CFAP157: variants seen among roughly 807,000 people sequenced by gnomAD.
CFAP157 encodes the protein cilia- and flagella-associated protein 157.
A neutral mutation model predicts 57.8 loss-of-function variants in CFAP157; 43 were observed. The observed-to-expected ratio is 0.74, with a 90% CI of 0.58 to 0.96. The LOEUF (loss-of-function observed/expected upper bound fraction) is 0.96. Among genes scored for constraint, CFAP157 ranks in the 40% least tolerant of loss-of-function variants. The pLI is 0.00. For synonymous variants in CFAP157, 267 were observed against 269.0 expected (o/e 0.99, Z 0.07); for missense variants, 606 against 655.3 (o/e 0.92, Z 0.82).
chr9:127,708,798 G>A (rs971007343), intron 1 of CFAP157, among the ~76,000 whole-genome samples: 1 of 152,254 alleles, frequency 6.6e-6, no homozygotes, highest in Non-Finnish European at 1.5e-5. Flanking sequence ...GTGGCTCAGG[G>A]CCAAGAAGGG....
chr9:127,708,124 C>G (rs1842687791), intron 1 of CFAP157, among the ~76,000 whole-genome samples: 1 of 152,240 alleles, frequency 6.6e-6, no homozygotes, highest in Non-Finnish European at 1.5e-5. Context: ...GCCCCCACCC[C>G]TGAAATGCTC....
In CFAP157 at chr9:127,714,801, C is replaced by T; in HGVS notation, c.*896C>T. 8.6e-7 allele frequency: 1 copy of T among 1,162,054 alleles called. No homozygotes were observed. The highest frequency in any genetic ancestry group is 1.3e-6 in the Non-Finnish European group (1 of 798,306). 72.0% of individuals were successfully genotyped at this position (1,162,054 alleles called of 1,614,324 possible). On this transcript the variant is annotated 3_prime_UTR_variant, in exon 9 of 9. Transcript: ENST00000373295. ...AGGGACCACAACTAATCCCACTTCA[C>T]ATATAAAGAAACTGAGGCCCCCCGA...
chr9:127,712,345 T>C lies in CFAP157; in HGVS notation c.1133T>C (p.Leu378Pro). The C allele has an allele frequency of 6.2e-7, 1 of 1,613,796 alleles. No individual in the cohort carries two copies. ...VQATSFLQNI[L>P]QMHRDEEDSD... ...GCCACCTCCTTCCTACAGAACATTC[T>C]GCAGGTGAGCAGAAGGGAGAGAGGG... is the stretch of plus-strand genomic sequence containing the variant. The change falls in exon 6 of 9, where the codon CTG becomes CCG. Residue 378 changes from leucine (L) to proline (P), a missense_variant. By Grantham distance (98) the Leu-to-Pro change is moderately conservative. Coordinates refer to ENST00000373295, the MANE Select transcript of CFAP157 (RefSeq NM_001012502.3).
chr9:127,711,759 C>A, intron 4 of CFAP157, 61 bp from the exon 5 acceptor site: 1 of 1,523,782 alleles, frequency 6.6e-7, no homozygotes, highest in Non-Finnish European at 8.8e-7. Context: ...GGAGGCCTGG[C>A]TGTGTCTGCA....
intron 1 of CFAP157, among the ~76,000 whole-genome samples, chr9:127,708,623 G>A (rs1842698699): frequency 1.3e-5 from 2 of 152,178 alleles, no homozygotes; most frequent in South Asian, 4.1e-4. Flanking sequence ...TGAGATATCA[G>A]GTAGAATATA....
At position 127,709,676 on chromosome 9, in the gene CFAP157, C is replaced by T. The variant is rs375903663; in HGVS notation, c.416C>T (p.Thr139Met). The T allele has an allele frequency of 3.3e-5, 53 of 1,613,442 alleles. No individual in the cohort carries two copies. Among genetic ancestry groups the T allele is most frequent in the African/African-American group, 1.2e-4 (9 of 75,012 alleles). Residue 139 changes from threonine to methionine, a missense_variant, in exon 2 of 9, where the codon ACG (threonine) becomes ATG (methionine). Coordinates refer to ENST00000373295, the MANE Select transcript of CFAP157 (RefSeq NM_001012502.3). The surrounding 1 kb of genome is among the most constrained non-coding windows in gnomAD (Gnocchi z 4.7). ...CAGGAGACCAAGGACCAGCTCACCA[C>T]GGAGAACATCATCCTTGGTGAGGAG... ...EFQETKDQLT[T>M]ENIILGGKLA...
chr9:127,707,436 C>T (rs910569163), intron 1 of CFAP157, among the ~76,000 whole-genome samples: 11 of 152,170 alleles, frequency 7.2e-5, no homozygotes, highest in Admixed American at 3.9e-4. Flanking sequence ...GATGCTAGCT[C>T]GTGGCCCCAC....
intron 1 of CFAP157, among the ~76,000 whole-genome samples, chr9:127,708,095 A>G (rs992636716): frequency 2.0e-5 from 3 of 152,200 alleles, no homozygotes; most frequent in Admixed American, 2.0e-4. Context: ...TGACTCCCCT[A>G]TGCAAGACTG....
chr9:127,715,830 C>T lies in CFAP157; in HGVS notation c.*1925C>T. The T allele has an allele frequency of 8.9e-7, 1 of 1,128,046 alleles. No homozygotes were observed. Among genetic ancestry groups the T allele is most frequent in the Non-Finnish European group, 1.3e-6 (1 of 799,168 alleles). 69.9% of individuals were successfully genotyped at this position (1,128,046 alleles called of 1,614,324 possible). On this transcript the variant is annotated 3_prime_UTR_variant, in exon 9 of 9. Transcript: ENST00000373295. The surrounding 1 kb of genome is among the most constrained non-coding windows in gnomAD (Gnocchi z 5.8). ...AACCCAGGCGCCTTCAGTAGCGCGG[C>T]GTCACAGTGTCCCTTCGGGACTTGT...
At chr9:127,710,282 CAAA>C (rs60165824) in intron 2 of CFAP157, among the ~76,000 whole-genome samples, 3 of 82,598 alleles carry the variant, frequency 3.6e-5, no homozygotes, top group Admixed American at 1.3e-4. Flanking sequence ...GACCCTGTCT[CAAA>C]AAAAAAAAAA....
Position 127,715,483 on chromosome 9 carries a change from A to G in CFAP157, c.*1578A>G. ...TTTGGGGGCACTCGGCTCCCGGGAC[A>G]TAATGGCCGAACTGAAGCTAGGGAC... On this transcript the variant is annotated 3_prime_UTR_variant, in exon 9 of 9. Coordinates refer to ENST00000373295, the MANE Select transcript of CFAP157 (RefSeq NM_001012502.3). The surrounding 1 kb of genome is among the most constrained non-coding windows in gnomAD (Gnocchi z 5.8). The G allele has an allele frequency of 3.1e-6, 5 of 1,609,616 alleles. No homozygotes were observed. Among genetic ancestry groups the G allele is most frequent in the Non-Finnish European group, 4.2e-6 (5 of 1,177,756 alleles).
Position 127,713,878 on chromosome 9 carries a change from T to C in CFAP157, c.1536T>C (p.Leu512=), listed in dbSNP as rs1221143064. Residue 512 remains leucine, a synonymous_variant, in exon 9 of 9, where the codon CTT becomes CTC. Transcript: ENST00000373295. ...TAAAAAGGCTTGAAAAGTTTAGTCT[T>C]CCTGAAGTTCCCCTACGTCCCAAGT... ...GSLKRLEKFS[L]PEVPLRPK 4.3e-6 allele frequency: 7 copies of C among 1,613,826 alleles called. No homozygotes were observed. Among genetic ancestry groups the C allele is most frequent in the Non-Finnish European group, 5.9e-6 (7 of 1,180,008 alleles).
rs763107425 is a variant in CFAP157, at chr9:127,709,629, G to C, written c.369G>C (p.Leu123=). 5.0e-6 allele frequency: 8 copies of C among 1,613,858 alleles called. No homozygotes were observed. In the East Asian group the frequency reaches 1.8e-4, roughly 36 times the overall value. Reference sequence around the variant, plus strand: ...AGAAGGATGCCTTCGAGGCGCAGCTGGCCCAGGTGCGCCACGAGTTCCAGG... The same window carrying C: ...AGAAGGATGCCTTCGAGGCGCAGCTCGCCCAGGTGCGCCACGAGTTCCAGG... The part of the protein sequence containing the change: ...EMEKDAFEAQ[L]AQVRHEFQET... Residue 123 remains leucine, a synonymous_variant, in exon 2 of 9, where the codon CTG becomes CTC. Transcript: ENST00000373295. The surrounding 1 kb of genome is among the most constrained non-coding windows in gnomAD (Gnocchi z 4.7).
intron 8 of CFAP157, 42 bp from the exon 9 acceptor site, chr9:127,713,792 C>T (rs1210306024): frequency 1.3e-6 from 2 of 1,549,362 alleles, no homozygotes; most frequent in Non-Finnish European, 1.8e-6. Context: ...TAGGTGTGAG[C>T]CACTGCACCC....
At position 127,715,032 on chromosome 9, in the gene CFAP157, C is replaced by G; in HGVS notation, c.*1127C>G. On this transcript the variant is annotated 3_prime_UTR_variant, in exon 9 of 9. Transcript: ENST00000373295. This position sits in a 1 kb window ranked among gnomAD's most constrained non-coding sequence, Gnocchi z 5.8. Reference sequence around the variant, plus strand: ...ATAAGCCGCCGTGGCCGGAGCAGGACCAGTTGGGCATCCCCCAGCGGGGCC... The same window carrying G: ...ATAAGCCGCCGTGGCCGGAGCAGGAGCAGTTGGGCATCCCCCAGCGGGGCC... The G allele has an allele frequency of 6.6e-7, 1 of 1,522,146 alleles. No homozygotes were observed. Among genetic ancestry groups the G allele is most frequent in the Non-Finnish European group, 8.8e-7 (1 of 1,141,146 alleles). The allele number at this position is 1,522,146 out of a possible 1,614,324, so 94.3% of individuals were successfully genotyped here. A position where few individuals can be genotyped will look rare whatever the true frequency, so the allele number is the denominator to read the frequency against.
At chr9:127,712,019 C>G in intron 5 of CFAP157, 69 bp downstream of exon 5, 1 of 1,544,004 alleles carries the variant, frequency 6.5e-7, no homozygotes, top group Non-Finnish European at 8.7e-7. Flanking sequence ...CAGCTCTTTC[C>G]GATCCCACGA....
intron 7 of CFAP157, 43 bp from the exon 8 acceptor site, chr9:127,712,977 T>C (rs764999071): frequency 6.2e-7 from 1 of 1,603,274 alleles, no homozygotes; most frequent in Non-Finnish European, 8.5e-7. Flanking sequence ...GCCAGAAACC[T>C]GGCTCGCCGA....
At position 127,709,693 on chromosome 9, in the gene CFAP157, G is replaced by T; in HGVS notation, c.433G>T (p.Gly145Trp). The stretch of plus-strand genomic sequence containing the variant: ...GCTCACCACGGAGAACATCATCCTT[G>T]GTGAGGAGGGGACTGGCTGGTGAGC... ...DQLTTENIIL[G>W]GKLAALEEFR... Residue 145 changes from glycine to tryptophan, a missense_variant and splice_region_variant, in exon 2 of 9, where the codon GGG becomes TGG. Gly to Trp is a radical substitution (Grantham distance 184). Transcript: ENST00000373295. The surrounding 1 kb of genome is among the most constrained non-coding windows in gnomAD (Gnocchi z 4.7). 6.2e-7 allele frequency: 1 copy of T among 1,612,148 alleles called. No homozygotes were observed. The highest frequency in any genetic ancestry group is 8.5e-7 in the Non-Finnish European group (1 of 1,179,026).
At position 127,714,179 on chromosome 9, in the gene CFAP157, G is replaced by C; in HGVS notation, c.*274G>C. On this transcript the variant is annotated 3_prime_UTR_variant, in exon 9 of 9. Transcript: ENST00000373295. ...GTCGGTGGCTCGATCCAGCAACAGA[G>C]GCAGCAGCTCCTGCTCAGCAGGGGA... The C allele has an allele frequency of 6.2e-7, 1 of 1,613,924 alleles. No individual in the cohort carries two copies. Among genetic ancestry groups the C allele is most frequent in the Non-Finnish European group, 8.5e-7 (1 of 1,180,008 alleles).
Sources: gnomAD v4.1 joint callset for allele counts (sites outside exome capture counted in the v4.1 genomes callset) on GRCh38, gnomAD v4.1.1 for gene constraint, Gnocchi (gnomAD v3.1) non-coding constraint, MANE v1.5 for transcripts, NCBI Gene and HGNC (gene_info 2026-07-23, HGNC 2026-07-21) for gene names.